TSPAN11: variants seen among roughly 807,000 people sequenced by gnomAD.
TSPAN11 encodes tetraspanin 11, also known as tetraspanin-11.
Under a neutral mutation model 32.9 loss-of-function variants are expected in TSPAN11, and 29 were observed. The observed-to-expected ratio is 0.88, with a 90% CI of 0.66 to 1.20. The LOEUF is 1.20. Among genes scored for constraint, TSPAN11 ranks in the 50% most tolerant of loss-of-function variants. The pLI is 0.00. For synonymous variants in TSPAN11, 140 were observed against 141.3 expected (o/e 0.99, Z 0.07); for missense variants, 283 against 329.1 (o/e 0.86, Z 1.08).
chr12:30,981,133 C>T (rs35093), intron 5 of TSPAN11, among the ~76,000 whole-genome samples: 39,957 of 152,068 alleles, frequency 0.26, 5,364 homozygotes, highest in Middle Eastern at 0.36. Context: ...GTGTCACTGA[C>T]GAAGACCTGC....
chr12:30,990,512 C>T (rs941696894), intron 7 of TSPAN11, among the ~76,000 whole-genome samples: 1 of 152,244 alleles, frequency 6.6e-6, no homozygotes, highest in African/African-American at 2.4e-5. Context: ...ATGAGATAAC[C>T]TCCTAAGCCG....
chr12:31,000,165 A>G (rs1347165651), downstream of TSPAN11, among the ~76,000 whole-genome samples: 1 of 152,260 alleles, frequency 6.6e-6, no homozygotes, highest in Non-Finnish European at 1.5e-5. Flanking sequence ...CCAAAATGAC[A>G]TTTATTTAAT....
intron 6 of TSPAN11, 81 bp downstream of exon 6, chr12:30,982,771 C>A: frequency 6.7e-7 from 1 of 1,484,724 alleles, no homozygotes; most frequent in Admixed American, 2.2e-5. Flanking sequence ...CTGGGTCAGG[C>A]AGGTGGGTGT....
chr12:30,972,061 G>A (rs1029093075), intron 3 of TSPAN11, among the ~76,000 whole-genome samples: 8 of 152,198 alleles, frequency 5.3e-5, no homozygotes, highest in Non-Finnish European at 1.2e-4. Flanking sequence ...TTTTGAAATG[G>A]GATAGTTTTT....
At chr12:30,946,378 T>C (rs753574316) in intron 1 of TSPAN11, among the ~76,000 whole-genome samples, 4 of 152,192 alleles carry the variant, frequency 2.6e-5, no homozygotes, top group Non-Finnish European at 2.9e-5. Flanking sequence ...AGAACCACTC[T>C]ACTGATAGCT....
intron 7 of TSPAN11, among the ~76,000 whole-genome samples, chr12:30,986,557 T>C (rs969027542): frequency 6.6e-5 from 10 of 152,226 alleles, no homozygotes; most frequent in Non-Finnish European, 1.5e-4. Flanking sequence ...TTGAAAGCTG[T>C]GGGTCTAGCC....
At chr12:30,966,616 G>C (rs1864821432) in intron 3 of TSPAN11, among the ~76,000 whole-genome samples, 1 of 152,240 alleles carries the variant, frequency 6.6e-6, no homozygotes. Flanking sequence ...TCACCTCTAA[G>C]AGTCTGCTTC....
At chr12:30,984,912 G>A (rs1939171489) in intron 7 of TSPAN11, among the ~76,000 whole-genome samples, 1 of 152,162 alleles carries the variant, frequency 6.6e-6, no homozygotes, top group African/African-American at 2.4e-5. Context: ...GACTTACCCA[G>A]GGCCTCACAC....
In TSPAN11 at chr12:30,991,912, C is replaced by T; in HGVS notation, c.759C>T (p.Tyr253=). Residue 253 remains tyrosine, a synonymous_variant, in exon 8 of 8, where the codon TAC becomes TAT. Transcript: ENST00000546076. ...ACCAGAGGCTCCAGCGGCATTTTTA[C>T]TAATGGCCAACCACCTCCTCTTCCA... ...CLHQRLQRHF[Y] 6.2e-7 allele frequency: 1 copy of T among 1,614,188 alleles called. No homozygotes were observed. The highest frequency in any genetic ancestry group is 8.5e-7 in the Non-Finnish European group (1 of 1,180,038).
chr12:30,931,453 G>C (rs1937924581), intron 1 of TSPAN11, among the ~76,000 whole-genome samples: 1 of 152,086 alleles, frequency 6.6e-6, no homozygotes, highest in Non-Finnish European at 1.5e-5. Context: ...GAAGCCTTTT[G>C]GTCAGGTAGA....
intron 3 of TSPAN11, among the ~76,000 whole-genome samples, chr12:30,965,341 T>C (rs926630731): frequency 5.3e-5 from 8 of 152,306 alleles, no homozygotes; most frequent in African/African-American, 1.9e-4. Flanking sequence ...GGTCTGCCCA[T>C]GAGCAGGCTG....
In TSPAN11 at chr12:30,963,936, C is replaced by T; in HGVS notation, c.195C>T (p.Ile65=). ...TTGCCGCCTCCGCCTACATCCTCAT[C>T]TTTGCGGGCGTACTTGTCATGGTGA... ...STFAASAYIL[I]FAGVLVMVTG... Residue 65 remains isoleucine (I), a synonymous_variant, in exon 3 of 8, where the codon ATC becomes ATT. Transcript: ENST00000546076. The T allele has an allele frequency of 6.2e-7, 1 of 1,614,122 alleles. No individual in the cohort carries two copies. Among genetic ancestry groups the T allele is most frequent in the Non-Finnish European group, 8.5e-7 (1 of 1,180,036 alleles).
At chr12:31,002,507 C>T in the TSPAN11 span, among the ~76,000 whole-genome samples, 1 of 152,170 alleles carries the variant, frequency 6.6e-6, no homozygotes, top group Non-Finnish European at 1.5e-5. The surrounding 1 kb of genome is among the most constrained non-coding windows in gnomAD (Gnocchi z 4.8). Context: ...AAGGCCACTG[C>T]GAGACTTCTA....
chr12:31,000,011 G>C (rs187838025), downstream of TSPAN11, among the ~76,000 whole-genome samples: 8 of 152,276 alleles, frequency 5.3e-5, no homozygotes, highest in East Asian at 1.5e-3. Flanking sequence ...GTGGAGTGTT[G>C]TTACTCTTTC....
rs756781635 is a variant in TSPAN11 at position 30,978,578 on chromosome 12, C to G, written c.294C>G (p.Leu98=). 2 of 1,614,222 alleles carry G rather than the reference C, an allele frequency of 1.2e-6. No homozygotes were observed. Among genetic ancestry groups the G allele is most frequent in the Non-Finnish European group, 1.7e-6 (2 of 1,180,034 alleles). The change falls in exon 4 of 8, where the codon CTC becomes CTG. Residue 98 remains leucine, a synonymous_variant. Coordinates refer to ENST00000546076, the MANE Select transcript of TSPAN11 (RefSeq NM_001370302.1). ...GCLSTYFCLL[L]VIFLVELVAG... ...GCTGCTAGTATTTCTGCCTGTTGCT[C>G]GTCATCTTCCTGGTTGAGCTGGTGG...
intron 1 of TSPAN11, among the ~76,000 whole-genome samples, chr12:30,930,533 G>A (rs1044974450): frequency 9.8e-5 from 15 of 152,294 alleles, no homozygotes; most frequent in Non-Finnish European, 1.9e-4. Context: ...GTGACCTTCC[G>A]TGTGTTATGT....
At chr12:31,003,765 G>A in the TSPAN11 span, among the ~76,000 whole-genome samples, 9 of 151,722 alleles carry the variant, frequency 5.9e-5, no homozygotes, top group African/African-American at 2.2e-4. Context: ...CCGGCCAGAG[G>A]ACTAGGGAAG....
chr12:30,957,881 T>TCCC (rs1938532267), intron 2 of TSPAN11, among the ~76,000 whole-genome samples: 1 of 84,896 alleles, frequency 1.2e-5, no homozygotes, highest in Non-Finnish European at 2.6e-5. Context: ...CCCTCCCTCC[T>TCCC]TCCTTCCTTC....
At chr12:30,929,004 T>G (rs1350437993) in intron 1 of TSPAN11, among the ~76,000 whole-genome samples, 1 of 152,198 alleles carries the variant, frequency 6.6e-6, no homozygotes, top group Non-Finnish European at 1.5e-5. Flanking sequence ...AATAAATTAG[T>G]AAGGGGATGT....
Sources: allele counts gnomAD v4.1 joint callset (sites outside exome capture counted in the v4.1 genomes callset), GRCh38; gene constraint gnomAD v4.1.1; non-coding constraint Gnocchi (gnomAD v3.1); transcripts MANE v1.5; gene names NCBI Gene and HGNC (gene_info 2026-07-23, HGNC 2026-07-21).